ATP10B: variants seen among roughly 807,000 people sequenced by gnomAD.
The protein encoded by ATP10B is ATPase phospholipid transporting 10B (putative).
ATP10B carries 122 observed loss-of-function variants against 141.2 expected under a neutral mutation model. That is an observed-to-expected ratio of 0.86 (90% confidence interval 0.75 to 1.00). ATP10B has a LOEUF of 1.00. Among genes scored for constraint, ATP10B ranks in the 50% least tolerant of loss-of-function variants. The pLI is 0.00. For synonymous variants in ATP10B, 685 were observed against 692.0 expected, an observed-to-expected ratio of 0.99 and a Z score of 0.16; for missense variants, 1,876 against 1,825.3, an observed-to-expected ratio of 1.03 and a Z score of -0.51.
rs760404152 is a variant in ATP10B at position 160,835,668 on chromosome 5, ATC to A, written c.-576+16271_-576+16272del. 2.6e-5 allele frequency among the ~76,000 whole-genome samples: 4 copies of A among 152,150 alleles called. No individual in the cohort carries two copies. In the South Asian group the frequency reaches 8.3e-4, roughly 32 times the overall value. On this transcript the variant is annotated intron_variant, in intron 1 of 25. Transcript: ENST00000327245. Reference sequence around the variant, plus strand: ...GACTTTTCCTTTTCCTGATTTCAAAATCTCTGTCAAGCAGCTGTTGCTTATAC... The same window carrying A: ...GACTTTTCCTTTTCCTGATTTCAAAATCTGTCAAGCAGCTGTTGCTTATAC...
At chr5:160,847,934 T>C (rs28572194) in intron 1 of ATP10B, among the ~76,000 whole-genome samples, 4,826 of 152,236 alleles carry the variant, frequency 0.032, 265 homozygotes, top group African/African-American at 0.11. Context: ...CTGATATGTA[T>C]ATCAGCGCCC....
intron 1 of ATP10B, among the ~76,000 whole-genome samples, chr5:160,847,362 A>G (rs1230983923): frequency 6.6e-6 from 1 of 152,194 alleles, no homozygotes; most frequent in African/African-American, 2.4e-5. Flanking sequence ...CTCCAGATTC[A>G]CAAGCATATT....
At chr5:160,893,349 A>C in the ATP10B span, among the ~76,000 whole-genome samples, 1 of 152,068 alleles carries the variant, frequency 6.6e-6, no homozygotes, top group Non-Finnish European at 1.5e-5. Flanking sequence ...GGGATGCTTG[A>C]GCTTGGTGGG....
chr5:160,886,868 G>A, the ATP10B span, among the ~76,000 whole-genome samples: 3 of 152,128 alleles, frequency 2.0e-5, no homozygotes, highest in Middle Eastern at 3.2e-3. Context: ...GATGCTATGT[G>A]AGGTGACTAT....
At chr5:160,665,451 A>G (rs1762265884) in intron 7 of ATP10B, among the ~76,000 whole-genome samples, 1 of 152,210 alleles carries the variant, frequency 6.6e-6, no homozygotes, top group South Asian at 2.1e-4. Context: ...GCTGAAAAAT[A>G]ATTCTTAGGT....
chr5:160,574,709 G>A (rs1177773194), intron 24 of ATP10B, among the ~76,000 whole-genome samples: 1 of 152,038 alleles, frequency 6.6e-6, no homozygotes, highest in African/African-American at 2.4e-5. Flanking sequence ...AGAGGATGAT[G>A]GAAGCATCCT....
chr5:160,648,885 G>A (rs923186578), intron 8 of ATP10B, among the ~76,000 whole-genome samples: 131 of 144,932 alleles, frequency 9.0e-4, no homozygotes, highest in African/African-American at 3.3e-3. Context: ...TCACCTTCCT[G>A]AATCAGAGCA....
intron 3 of ATP10B, among the ~76,000 whole-genome samples, chr5:160,696,049 A>C (rs978701286): frequency 2.6e-5 from 4 of 152,218 alleles, no homozygotes; most frequent in African/African-American, 9.7e-5. Flanking sequence ...TACCACACCC[A>C]AATAGCATTT....
chr5:160,877,305 G>A, the ATP10B span, among the ~76,000 whole-genome samples: 11 of 143,726 alleles, frequency 7.7e-5, no homozygotes, highest in Non-Finnish European at 1.7e-4. Flanking sequence ...CTCAATAGAT[G>A]CAGAAAAAGC....
the ATP10B span, among the ~76,000 whole-genome samples, chr5:160,923,531 C>A: frequency 6.6e-6 from 1 of 152,120 alleles, no homozygotes; most frequent in Non-Finnish European, 1.5e-5. Context: ...CAGAGCTGAC[C>A]AAAATAAATG....
At chr5:160,852,783 T>C (rs1753873712), upstream of ATP10B, among the ~76,000 whole-genome samples, 1 of 152,174 alleles carries the variant, frequency 6.6e-6, no homozygotes, top group Non-Finnish European at 1.5e-5. Flanking sequence ...TTTATTAAGT[T>C]ACCTACAACT....
intron 6 of ATP10B, among the ~76,000 whole-genome samples, chr5:160,672,069 C>T (rs1313397439): frequency 2.0e-5 from 3 of 148,576 alleles, no homozygotes; most frequent in South Asian, 2.2e-4. Flanking sequence ...CTCTGTCTCC[C>T]AGGGTCAAGT....
chr5:160,696,638 C>T (rs1764379256), intron 3 of ATP10B, among the ~76,000 whole-genome samples: 2 of 152,128 alleles, frequency 1.3e-5, no homozygotes, highest in African/African-American at 4.8e-5. Context: ...TCAGTCATTT[C>T]CATTATTTGT....
intron 2 of ATP10B, among the ~76,000 whole-genome samples, chr5:160,750,205 A>G (rs914401761): frequency 6.6e-5 from 10 of 152,212 alleles, no homozygotes; most frequent in African/African-American, 2.4e-4. Flanking sequence ...GTCCTAAGCT[A>G]AACATGTCAT....
the ATP10B span, among the ~76,000 whole-genome samples, chr5:160,879,833 A>G: frequency 6.6e-6 from 1 of 152,114 alleles, no homozygotes; most frequent in African/African-American, 2.4e-5. Flanking sequence ...GCAAGACTCC[A>G]TCCAAAAACA....
intron 6 of ATP10B, 90 bp from the exon 7 acceptor site, chr5:160,670,757 A>G: frequency 1.7e-6 from 2 of 1,149,698 alleles, no homozygotes; most frequent in Middle Eastern, 3.0e-4. Flanking sequence ...CCAGCACCTA[A>G]CTATCCACCA....
intron 6 of ATP10B, among the ~76,000 whole-genome samples, chr5:160,672,131 C>G (rs1348505182): frequency 6.6e-6 from 1 of 151,878 alleles, no homozygotes; most frequent in East Asian, 1.9e-4. Flanking sequence ...CGCCTGCCAC[C>G]ATGTCCAGCT....
chr5:160,660,943 T>C (rs1284683140), intron 7 of ATP10B, among the ~76,000 whole-genome samples: 1 of 152,128 alleles, frequency 6.6e-6, no homozygotes. Context: ...TCCCAACAGT[T>C]TGGGAGGCTG....
At chr5:160,734,185 T>A (rs1006026123) in intron 2 of ATP10B, among the ~76,000 whole-genome samples, 1 of 150,188 alleles carries the variant, frequency 6.7e-6, no homozygotes, top group Non-Finnish European at 1.5e-5. Context: ...TTGTTACCTA[T>A]ACTGTAGTGC....
Sources: gnomAD v4.1 joint callset for allele counts (sites outside exome capture counted in the v4.1 genomes callset) on GRCh38, gnomAD v4.1.1 for gene constraint, MANE v1.5 for transcripts, NCBI Gene and HGNC (gene_info 2026-07-23, HGNC 2026-07-21) for gene names.